The following HNRNPF variants were observed in gnomAD, a reference collection of about 807,000 sequenced individuals.
HNRNPF encodes heterogeneous nuclear ribonucleoprotein F.
A neutral mutation model predicts 26.0 loss-of-function variants in HNRNPF; 2 were observed. The observed-to-expected ratio is 0.08, with a 90% confidence interval of 0.03 to 0.24. The LOEUF (loss-of-function observed/expected upper bound fraction) is 0.24, where lower values mean the gene tolerates loss of function less well. Among genes scored for constraint, HNRNPF ranks in the 10% least tolerant of loss-of-function variants. The pLI is 1.00. For synonymous variants in HNRNPF, 234 were observed against 211.5 expected, an observed-to-expected ratio of 1.11 and a Z score of -0.92; for missense variants, 299 against 539.2, an observed-to-expected ratio of 0.55 and a Z score of 4.41.
intron 3 of HNRNPF, among the ~76,000 whole-genome samples, chr10:43,392,532 TCAAAAA>T (rs1242463449): frequency 6.6e-6 from 1 of 152,112 alleles, no homozygotes; most frequent in Non-Finnish European, 1.5e-5. Flanking sequence ...GAGACTCGTC[TCAAAAA>T]CAAAAACAAA....
intron 1 of HNRNPF, among the ~76,000 whole-genome samples, chr10:43,401,921 A>C (rs1838765523): frequency 1.3e-5 from 2 of 152,164 alleles, no homozygotes; most frequent in African/African-American, 4.8e-5. Context: ...CCAGGGGACC[A>C]CTGCATTCTG....
In HNRNPF at chr10:43,387,938, T is replaced by C; in HGVS notation, c.-52-2A>G. 1 of 1,436,958 alleles carries C rather than the reference T, an allele frequency of 7.0e-7. No homozygotes were observed. Among genetic ancestry groups the C allele is most frequent in the Non-Finnish European group, 9.4e-7 (1 of 1,066,256 alleles). 89.0% of individuals were successfully genotyped at this position (1,436,958 alleles called of 1,614,324 possible). A position where few individuals can be genotyped will look rare whatever the true frequency, so the allele number is the denominator to read the frequency against. On this transcript the variant is annotated splice_acceptor_variant, in intron 3 of 3. Transcript: ENST00000682386. LOFTEE classifies it low-confidence loss of function (5UTR_SPLICE). This position sits in a 1 kb window ranked among gnomAD's most constrained non-coding sequence, Gnocchi z 6.0. ...ATCTTGGGTGTGGCTTTTTTGTGGCTGGAAAAAAAAAAAAGAAAAATTTAT... is the reference window on the plus strand; with the variant it reads ...ATCTTGGGTGTGGCTTTTTTGTGGCCGGAAAAAAAAAAAAGAAAAATTTAT...
intron 3 of HNRNPF, 150 bp from the exon 4 acceptor site, chr10:43,388,086 C>A: frequency 1.8e-6 from 1 of 549,834 alleles, no homozygotes; most frequent in Non-Finnish European, 3.2e-6. Context: ...ATTACATTAT[C>A]AGTCACAGGC....
At chr10:43,408,898 C>G (rs911880784) in intron 1 of HNRNPF, 1 of 152,336 alleles carries the variant, frequency 6.6e-6, no homozygotes, top group Non-Finnish European at 1.5e-5. Context: ...GCGGAGCCTA[C>G]GAGGGGCGGG....
chr10:43,397,808 A>T (rs954761855), intron 1 of HNRNPF, among the ~76,000 whole-genome samples: 2 of 152,202 alleles, frequency 1.3e-5, no homozygotes, highest in Non-Finnish European at 2.9e-5. Context: ...TTTTGTTGTC[A>T]TTATACTGTA....
chr10:43,403,280 G>C (rs1838809215), intron 1 of HNRNPF, among the ~76,000 whole-genome samples: 1 of 152,056 alleles, frequency 6.6e-6, no homozygotes, highest in Admixed American at 6.6e-5. Flanking sequence ...GGCCCTGCTG[G>C]GATTAAAGGT....
At chr10:43,399,051 T>C (rs962319097) in intron 1 of HNRNPF, among the ~76,000 whole-genome samples, 11 of 152,224 alleles carry the variant, frequency 7.2e-5, no homozygotes, top group Admixed American at 3.3e-4. Context: ...TCTTGAAATA[T>C]TTGTGATGGC....
At chr10:43,394,908 T>C (rs1290205566) in intron 2 of HNRNPF, among the ~76,000 whole-genome samples, 2 of 152,126 alleles carry the variant, frequency 1.3e-5, no homozygotes, top group Non-Finnish European at 1.5e-5. Flanking sequence ...GCCTTATTGA[T>C]CTTGATGAGA....
At chr10:43,392,805 C>G (rs966810894) in intron 3 of HNRNPF, among the ~76,000 whole-genome samples, 1 of 152,198 alleles carries the variant, frequency 6.6e-6, no homozygotes, top group African/African-American at 2.4e-5. Flanking sequence ...CCATAATCAT[C>G]TCCAGGGTCA....
At chr10:43,403,109 A>G in intron 1 of HNRNPF, among the ~76,000 whole-genome samples, 1 of 152,014 alleles carries the variant, frequency 6.6e-6, no homozygotes, top group Non-Finnish European at 1.5e-5. Flanking sequence ...GTTCACTGCA[A>G]CCTCCACCTC....
intron 1 of HNRNPF, among the ~76,000 whole-genome samples, chr10:43,402,524 G>A (rs1369732039): frequency 5.9e-5 from 9 of 152,122 alleles, no homozygotes; most frequent in African/African-American, 1.2e-4. Context: ...CTCCATAACC[G>A]TGAGAAAATT....
intron 1 of HNRNPF, among the ~76,000 whole-genome samples, chr10:43,401,368 T>C (rs1185842686): frequency 6.6e-6 from 1 of 152,188 alleles, no homozygotes; most frequent in Admixed American, 6.5e-5. Context: ...ATCTATACTG[T>C]TTGTACTGAA....
At chr10:43,395,261 T>C (rs1432101634) in intron 2 of HNRNPF, among the ~76,000 whole-genome samples, 2 of 152,132 alleles carry the variant, frequency 1.3e-5, no homozygotes, top group Non-Finnish European at 2.9e-5. Flanking sequence ...AATTGTTCAG[T>C]CTGATTTATA....
intron 2 of HNRNPF, among the ~76,000 whole-genome samples, chr10:43,396,160 C>G (rs979005676): frequency 2.9e-4 from 44 of 152,254 alleles, no homozygotes; most frequent in African/African-American, 1.1e-3. Flanking sequence ...TGCCTTCAGG[C>G]AGAGCCAATC....
At chr10:43,394,033 TGTTGTTAAAG>T (rs2131972169) in intron 3 of HNRNPF, among the ~76,000 whole-genome samples, 1 of 152,320 alleles carries the variant, frequency 6.6e-6, no homozygotes, top group East Asian at 1.9e-4. Context: ...AGCACTCTTG[TGTTGTTAAAG>T]GGGTCTTAAA....
chr10:43,390,486 A>C (rs1293719900), intron 3 of HNRNPF, among the ~76,000 whole-genome samples: 1 of 152,186 alleles, frequency 6.6e-6, no homozygotes, highest in African/African-American at 2.4e-5. Context: ...CATTCCCTGC[A>C]GGAAACCCCA....
At chr10:43,391,720 C>A (rs1838256493) in intron 3 of HNRNPF, among the ~76,000 whole-genome samples, 2 of 152,206 alleles carry the variant, frequency 1.3e-5, no homozygotes, top group Admixed American at 6.5e-5. Flanking sequence ...TCGTGAACAA[C>A]AGCTCTGCTC....
Position 43,386,615 on chromosome 10 carries a change from A to C in HNRNPF, c.*22T>G. The C allele has an allele frequency of 6.6e-7, 1 of 1,514,026 alleles. No homozygotes were observed. Among genetic ancestry groups the C allele is most frequent in the Non-Finnish European group, 8.8e-7 (1 of 1,135,374 alleles). 93.8% of individuals were successfully genotyped at this position (1,514,026 alleles called of 1,614,324 possible). A position where few individuals can be genotyped will look rare whatever the true frequency, so the allele number is the denominator to read the frequency against. On this transcript the variant is annotated 3_prime_UTR_variant, in exon 4 of 4. Transcript: ENST00000682386. ...GGCTGCCTGTGAAAATGATTGAAGT[A>C]ACTCAAATGTTCCTAACAAAACTAG... is the stretch of plus-strand genomic sequence containing the variant.
chr10:43,394,539 A>G (rs1197449940), intron 3 of HNRNPF, 91 bp downstream of exon 3: 1 of 152,224 alleles, frequency 6.6e-6, no homozygotes, highest in Non-Finnish European at 1.5e-5. Context: ...GTTAGGGACA[A>G]AACTTTTTTC....
Sources: allele counts gnomAD v4.1 joint callset (sites outside exome capture counted in the v4.1 genomes callset), GRCh38; gene constraint gnomAD v4.1.1; non-coding constraint Gnocchi (gnomAD v3.1); transcripts MANE v1.5; gene names NCBI Gene and HGNC (gene_info 2026-07-23, HGNC 2026-07-21).